ATG4C: variants seen among roughly 807,000 people sequenced by gnomAD.
ATG4C encodes autophagy related 4C cysteine peptidase.
Under a neutral mutation model 57.6 loss-of-function variants are expected in ATG4C, and 56 were observed. The ratio of observed to expected loss-of-function variants is 0.97; its 90% CI spans 0.78 to 1.21. The LOEUF is 1.21. ATG4C is among the 50% of genes most tolerant of loss of function. ATG4C has a pLI of 0.00. For synonymous variants in ATG4C, 157 were observed against 174.1 expected (o/e 0.90, Z 0.78); for missense variants, 595 against 529.8 (o/e 1.12, Z -1.21).
At chr1:62,835,277 G>A (rs1557983522) in intron 9 of ATG4C, 2 of 251,388 alleles carry the variant, frequency 8.0e-6, no homozygotes, top group Non-Finnish European at 1.7e-5. Context: ...TTTGCTTTGA[G>A]TACAGTAATT....
intron 7 of ATG4C, 148 bp from the exon 8 acceptor site, chr1:62,833,890 G>A (rs187796186): frequency 7.5e-5 from 47 of 626,986 alleles, no homozygotes; most frequent in Non-Finnish European, 1.2e-4. Flanking sequence ...GAAGACAAGT[G>A]GATTTCAGAA....
chr1:62,789,408 A>G (rs1020328331), intron 1 of ATG4C, among the ~76,000 whole-genome samples: 6 of 152,098 alleles, frequency 3.9e-5, no homozygotes, highest in African/African-American at 1.4e-4. Context: ...TCTTACTCCT[A>G]TTTGCACAAT....
intron 10 of ATG4C, among the ~76,000 whole-genome samples, chr1:62,858,244 T>G (rs1222038194): frequency 6.6e-6 from 1 of 152,178 alleles, no homozygotes; most frequent in Non-Finnish European, 1.5e-5. Flanking sequence ...CCATTGATAG[T>G]AGGAGGAAGA....
chr1:62,819,161 A>G lies in ATG4C; in HGVS notation c.551A>G (p.Lys184Arg). Residue 184 changes from lysine to arginine, a missense_variant, in exon 5 of 11, where the codon AAA becomes AGA. Physicochemically the swap from Lys to Arg is conservative, Grantham distance 26. Transcript: ENST00000317868. Reference protein sequence around the residue: ...PTISLKETIGKYSDDHEMRNE... With the variant: ...PTISLKETIGRYSDDHEMRNE... Reference sequence around the variant, plus strand: ...ATTTCTCTGAAGGAAACAATTGGGAAATATTCTGATGATCATGAAATGCGA... The same window carrying G: ...ATTTCTCTGAAGGAAACAATTGGGAGATATTCTGATGATCATGAAATGCGA... 1 of 1,613,410 alleles carries G rather than the reference A, an allele frequency of 6.2e-7. No homozygotes were observed. The highest frequency in any genetic ancestry group is 8.5e-7 in the Non-Finnish European group (1 of 1,179,630).
At chr1:62,806,268 CAG>C (rs1399806228) in intron 3 of ATG4C, among the ~76,000 whole-genome samples, 1 of 151,812 alleles carries the variant, frequency 6.6e-6, no homozygotes, top group Non-Finnish European at 1.5e-5. Flanking sequence ...ATTTAGGAGA[CAG>C]AGAGGTGTCC....
intron 1 of ATG4C, among the ~76,000 whole-genome samples, chr1:62,799,182 G>T (rs1448672029): frequency 6.6e-6 from 1 of 152,154 alleles, no homozygotes; most frequent in Admixed American, 6.5e-5. Flanking sequence ...CTCCCAAAGT[G>T]TGGGGATTGC....
intron 10 of ATG4C, among the ~76,000 whole-genome samples, chr1:62,852,541 C>T (rs1666548824): frequency 6.6e-6 from 1 of 151,882 alleles, no homozygotes; most frequent in African/African-American, 2.4e-5. Context: ...TACCCTTTCA[C>T]CTGGTTTCTC....
chr1:62,838,673 G>A (rs1398384162), intron 9 of ATG4C, among the ~76,000 whole-genome samples: 7 of 151,892 alleles, frequency 4.6e-5, no homozygotes, highest in Non-Finnish European at 7.4e-5. Context: ...CCAGCTACTC[G>A]AGAGGCTGAG....
chr1:62,840,964 A>G (rs1420146203), intron 9 of ATG4C, among the ~76,000 whole-genome samples: 2 of 152,340 alleles, frequency 1.3e-5, no homozygotes, highest in East Asian at 3.9e-4. Flanking sequence ...TTTTATGTCA[A>G]TATAGAACAT....
chr1:62,790,760 T>G (rs1428367065), intron 1 of ATG4C, among the ~76,000 whole-genome samples: 1 of 152,176 alleles, frequency 6.6e-6, no homozygotes, highest in Non-Finnish European at 1.5e-5. Flanking sequence ...GTAGCTCTAT[T>G]TTTTCAGTTA....
At position 62,821,179 on chromosome 1, in the gene ATG4C, A is replaced by G. The variant is rs1461292912; in HGVS notation, c.766A>G (p.Ile256Val). ...AGCAAGGCATCCTGATTTACAAGGA[A>G]TAACTATTTATGTTGCACAAGATTG... ...EEARHPDLQGITIYVAQDCTV... is the reference protein window; with the variant it reads ...EEARHPDLQGVTIYVAQDCTV... The change falls in exon 6 of 11, where the codon ATA becomes GTA. Residue 256 changes from isoleucine to valine, a missense_variant. Transcript: ENST00000317868. 1.2e-6 allele frequency: 2 copies of G among 1,601,638 alleles called. No homozygotes were observed. The highest frequency in any genetic ancestry group is 1.1e-5 in the South Asian group (1 of 88,462).
chr1:62,819,697 A>G (rs1457079734), intron 5 of ATG4C, among the ~76,000 whole-genome samples: 4 of 151,922 alleles, frequency 2.6e-5, no homozygotes, highest in African/African-American at 9.7e-5. Context: ...GGGGGCTGTA[A>G]TGTACTGATA....
At chr1:62,839,232 T>A (rs1368846230) in intron 9 of ATG4C, among the ~76,000 whole-genome samples, 2 of 151,468 alleles carry the variant, frequency 1.3e-5, no homozygotes, top group African/African-American at 2.4e-5. Flanking sequence ...CTATTTAAAA[T>A]TTTTTTTTAG....
chr1:62,807,719 A>G (rs545696289), intron 3 of ATG4C, among the ~76,000 whole-genome samples: 3 of 152,102 alleles, frequency 2.0e-5, no homozygotes, highest in Non-Finnish European at 2.9e-5. Flanking sequence ...GTACCTTTTC[A>G]TCTGTATTCT....
intron 10 of ATG4C, among the ~76,000 whole-genome samples, chr1:62,850,615 C>T (rs1666475153): frequency 6.6e-6 from 1 of 151,914 alleles, no homozygotes; most frequent in Admixed American, 6.6e-5. Flanking sequence ...GTGCCCGCCC[C>T]TGTTTCACGG....
At chr1:62,838,672 C>T (rs1666073892) in intron 9 of ATG4C, among the ~76,000 whole-genome samples, 2 of 151,550 alleles carry the variant, frequency 1.3e-5, no homozygotes, top group Middle Eastern at 3.4e-3. Context: ...CCCAGCTACT[C>T]GAGAGGCTGA....
At chr1:62,839,115 G>C (rs1337412397) in intron 9 of ATG4C, among the ~76,000 whole-genome samples, 2 of 152,198 alleles carry the variant, frequency 1.3e-5, no homozygotes, top group Non-Finnish European at 2.9e-5. Context: ...CTGGAGTGCA[G>C]TGGCACCACC....
Position 62,797,203 on chromosome 1 carries a change from ATATT to A in ATG4C, c.-68-6512_-68-6509del, listed in dbSNP as rs1303860839. ...GTGGGCATATGTATATACATATATG[ATATT>A]TATGTATCGACATGCATAAGTTATA... On this transcript the variant is annotated intron_variant, in intron 1 of 10. Transcript: ENST00000317868. Among the ~76,000 whole-genome samples, 3 of 152,158 alleles carry A rather than the reference ATATT, an allele frequency of 2.0e-5. No individual in the cohort carries two copies. In the South Asian group the frequency reaches 6.2e-4, roughly 32 times the overall value.
chr1:62,830,152 C>T (rs1345274467), intron 7 of ATG4C, among the ~76,000 whole-genome samples: 1 of 151,958 alleles, frequency 6.6e-6, no homozygotes, highest in Non-Finnish European at 1.5e-5. Context: ...TTAATAGTTA[C>T]TAAAATTTTG....
Sources: gnomAD v4.1 joint callset for allele counts (sites outside exome capture counted in the v4.1 genomes callset) on GRCh38, gnomAD v4.1.1 for gene constraint, MANE v1.5 for transcripts, NCBI Gene and HGNC (gene_info 2026-07-23, HGNC 2026-07-21) for gene names.